The following WDR37 variants were observed in gnomAD, a reference collection of about 807,000 sequenced individuals.
WDR37 encodes the protein WD repeat domain 37, also known as WD repeat-containing protein 37.
WDR37 carries 19 observed loss-of-function variants against 62.9 expected under a neutral mutation model. That is an observed-to-expected ratio of 0.30 (90% CI 0.21 to 0.44). WDR37 has a LOEUF of 0.44. WDR37 is among the 20% of genes least tolerant of loss of function. The probability of loss-of-function intolerance (pLI) is 1.00; values close to 1 mark genes in which losing one functional copy is unlikely to be tolerated. For synonymous variants in WDR37, 250 were observed against 260.9 expected (o/e 0.96, Z 0.40); for missense variants, 474 against 657.6 (o/e 0.72, Z 3.05).
chr10:1,095,712 C>T (rs1472469435), intron 8 of WDR37, among the ~76,000 whole-genome samples: 9 of 152,116 alleles, frequency 5.9e-5, no homozygotes, highest in East Asian at 5.8e-4. Context: ...CAGAGTGGGA[C>T]GGGAGCCGCA....
At chr10:1,097,960 GT>G (rs1172733099) in intron 9 of WDR37, among the ~76,000 whole-genome samples, 9 of 152,174 alleles carry the variant, frequency 5.9e-5, no homozygotes. Context: ...TTCAGGTGAT[GT>G]TTTGTTGAGA....
In WDR37 at chr10:1,130,000, G is replaced by A. The variant is rs552890674; in HGVS notation, c.*656G>A. On this transcript the variant is annotated 3_prime_UTR_variant, in exon 14 of 14. Coordinates refer to ENST00000263150, the MANE Select transcript of WDR37 (RefSeq NM_014023.4). Reference sequence around the variant, plus strand: ...TTATAGAAAATCATTTCAGTCTCCCGAGGTCTCATGCTAGCAAATTTTGAA... The same window carrying A: ...TTATAGAAAATCATTTCAGTCTCCCAAGGTCTCATGCTAGCAAATTTTGAA... The A allele has an allele frequency of 6.5e-6, 1 of 152,712 alleles. No individual in the cohort carries two copies. The highest frequency in any genetic ancestry group is 6.5e-5 in the Admixed American group (1 of 15,300). 9.5% of individuals were successfully genotyped at this position (152,712 alleles called of 1,614,324 possible).
At chr10:1,096,749 C>G (rs898961308) in intron 9 of WDR37, 1 of 154,888 alleles carries the variant, frequency 6.5e-6, no homozygotes, top group Non-Finnish European at 1.4e-5. Flanking sequence ...GCTTCGGGAC[C>G]GGGAATGGGT....
At chr10:1,127,297 T>C (rs921339353) in intron 13 of WDR37, among the ~76,000 whole-genome samples, 16 of 152,248 alleles carry the variant, frequency 1.1e-4, no homozygotes, top group African/African-American at 3.4e-4. Flanking sequence ...TTTGTTGATG[T>C]TGTAGGATTC....
chr10:1,117,371 A>G (rs537477658), intron 11 of WDR37, among the ~76,000 whole-genome samples: 2 of 152,310 alleles, frequency 1.3e-5, no homozygotes, highest in Non-Finnish European at 1.5e-5. Context: ...GATGCATTTT[A>G]AAGTCGCTTC....
chr10:1,100,627 T>A (rs1183030626), intron 9 of WDR37, among the ~76,000 whole-genome samples: 1 of 152,226 alleles, frequency 6.6e-6, no homozygotes, highest in Non-Finnish European at 1.5e-5. Flanking sequence ...TAAGGAAGCG[T>A]TTGGGTGGCG....
At chr10:1,093,972 G>C (rs922556415) in intron 8 of WDR37, among the ~76,000 whole-genome samples, 7 of 152,200 alleles carry the variant, frequency 4.6e-5, no homozygotes, top group African/African-American at 1.4e-4. Context: ...TTTCAGAGTA[G>C]TTTTAAAAAC....
chr10:1,121,744 G>T lies in WDR37; in HGVS notation c.1104-2474G>T, dbSNP rs1437799109. 6.6e-6 allele frequency among the ~76,000 whole-genome samples: 1 copy of T among 152,220 alleles called. No individual in the cohort carries two copies. The highest frequency in any genetic ancestry group is 1.5e-5 in the Non-Finnish European group (1 of 68,042). Reference sequence around the variant, plus strand: ...CCAGGATGCTGCACCACAGGGAAGGGCCCCGACCAGACATCAGGTCCTAGC... The same window carrying T: ...CCAGGATGCTGCACCACAGGGAAGGTCCCCGACCAGACATCAGGTCCTAGC... On this transcript the variant is annotated intron_variant, in intron 11 of 13. Coordinates refer to ENST00000263150, the MANE Select transcript of WDR37 (RefSeq NM_014023.4). The surrounding 1 kb of genome is among the most constrained non-coding windows in gnomAD (Gnocchi z 4.5).
intron 11 of WDR37, among the ~76,000 whole-genome samples, chr10:1,106,539 C>A (rs1391204196): frequency 6.6e-6 from 1 of 152,122 alleles, no homozygotes; most frequent in South Asian, 2.1e-4. Flanking sequence ...TGTTAATAGA[C>A]GGAGTCTCTT....
At chr10:1,063,964 A>G (rs937186173) in intron 1 of WDR37, among the ~76,000 whole-genome samples, 1 of 152,192 alleles carries the variant, frequency 6.6e-6, no homozygotes, top group Non-Finnish European at 1.5e-5. Flanking sequence ...CAACCTCAGT[A>G]AGAAAAGACC....
chr10:1,066,618 A>G (rs1370124584), intron 1 of WDR37, among the ~76,000 whole-genome samples: 1 of 152,270 alleles, frequency 6.6e-6, no homozygotes, highest in Non-Finnish European at 1.5e-5. Context: ...TGTAAAAGGA[A>G]GGACAAAGGA....
At position 1,076,056 on chromosome 10, in the gene WDR37, A is replaced by G. The variant is rs565468505; in HGVS notation, c.139-1851A>G. On this transcript the variant is annotated intron_variant, in intron 2 of 13. Coordinates refer to ENST00000263150, the MANE Select transcript of WDR37 (RefSeq NM_014023.4). Reference sequence around the variant, plus strand: ...TGGCCTCCCAAAGTGCTGGGATTACAGGCGTGAGCCACTGTGCCTGGCTGG... The same window carrying G: ...TGGCCTCCCAAAGTGCTGGGATTACGGGCGTGAGCCACTGTGCCTGGCTGG... Among the ~76,000 whole-genome samples, 8 of 152,314 alleles carry G rather than the reference A, an allele frequency of 5.3e-5. No homozygotes were observed. In the East Asian group the frequency reaches 1.5e-3, roughly 29 times the overall value.
intron 11 of WDR37, among the ~76,000 whole-genome samples, chr10:1,116,654 C>T (rs926416725): frequency 2.0e-5 from 3 of 152,192 alleles, no homozygotes; most frequent in African/African-American, 4.8e-5. Flanking sequence ...CTCCATCTGT[C>T]GCCCGTGACA....
chr10:1,071,559 GAT>G (rs753898157), intron 1 of WDR37, among the ~76,000 whole-genome samples: 3 of 152,180 alleles, frequency 2.0e-5, no homozygotes, highest in Non-Finnish European at 2.9e-5. Flanking sequence ...TTTGAATTGA[GAT>G]ATGCTGTAAA....
chr10:1,097,905 G>A (rs1834645288), intron 9 of WDR37, among the ~76,000 whole-genome samples: 1 of 152,204 alleles, frequency 6.6e-6, no homozygotes, highest in Admixed American at 6.5e-5. Flanking sequence ...GGGGAGCTCA[G>A]CTTCAGGGTG....
rs983358646 is a variant in WDR37 at position 1,074,474 on chromosome 10, G to T, written c.138+2181G>T. 5 of 1,304,374 alleles carry T rather than the reference G, an allele frequency of 3.8e-6. No individual in the cohort carries two copies. In the African/African-American group the frequency reaches 4.6e-5, roughly 12 times the overall value. The allele number at this position is 1,304,374 out of a possible 1,614,324, so 80.8% of individuals were successfully genotyped here. The stretch of plus-strand genomic sequence containing the variant: ...TAGACGGAGCTCATTTGTTCAATGA[G>T]CAGTGATTCGGAGTGGGACCGGTCA... On this transcript the variant is annotated intron_variant, in intron 2 of 13. Coordinates refer to ENST00000263150, the MANE Select transcript of WDR37 (RefSeq NM_014023.4).
At chr10:1,065,765 A>T (rs181370418) in intron 1 of WDR37, among the ~76,000 whole-genome samples, 43 of 152,372 alleles carry the variant, frequency 2.8e-4, no homozygotes, top group Admixed American at 2.2e-3. Flanking sequence ...CCGAATATTC[A>T]GGGCAAAGCA....
intron 9 of WDR37, among the ~76,000 whole-genome samples, chr10:1,102,269 G>A (rs1010985532): frequency 8.8e-5 from 13 of 147,826 alleles, no homozygotes; most frequent in African/African-American, 3.0e-4. Flanking sequence ...TGTGACGTGC[G>A]TTCCCGTGCC....
chr10:1,060,744 G>A (rs1490143182), intron 1 of WDR37, among the ~76,000 whole-genome samples: 6 of 152,152 alleles, frequency 3.9e-5, no homozygotes, highest in African/African-American at 1.4e-4. Flanking sequence ...TGATGTTTTG[G>A]TCAACAACAG....
Sources: allele counts gnomAD v4.1 joint callset (sites outside exome capture counted in the v4.1 genomes callset), GRCh38; gene constraint gnomAD v4.1.1; non-coding constraint Gnocchi (gnomAD v3.1); transcripts MANE v1.5; gene names NCBI Gene and HGNC (gene_info 2026-07-23, HGNC 2026-07-21).